Variants in WWOX observed in about 807,000 individuals in gnomAD.
WWOX encodes the protein WW domain-containing oxidoreductase.
A neutral mutation model predicts 46.2 loss-of-function variants in WWOX; 69 were observed. The observed-to-expected ratio is 1.49, with a 90% confidence interval of 1.23 to 1.82. WWOX has a LOEUF of 1.82. Among genes scored for constraint, WWOX ranks in the 40% most tolerant of loss-of-function variants. The probability of loss-of-function intolerance (pLI) is 0.00; values close to 1 mark genes in which losing one functional copy is unlikely to be tolerated. For synonymous variants in WWOX, 359 were observed against 202.6 expected (o/e 1.77, Z -6.56); for missense variants, 919 against 542.6 (o/e 1.69, Z -6.89).
chr16:78,452,999 A>G (rs957815389), intron 8 of WWOX, among the ~76,000 whole-genome samples: 6 of 150,816 alleles, frequency 4.0e-5, no homozygotes, highest in Admixed American at 2.0e-4. Flanking sequence ...CTCCTCTCTC[A>G]GCCTCCCGAG....
chr16:79,129,186 A>C (rs1297622014), intron 8 of WWOX, among the ~76,000 whole-genome samples: 1 of 151,928 alleles, frequency 6.6e-6, no homozygotes, highest in Non-Finnish European at 1.5e-5. Flanking sequence ...ATCAAGTATC[A>C]AGACAAGTCT....
At chr16:78,941,760 T>G (rs189497945) in intron 8 of WWOX, among the ~76,000 whole-genome samples, 1 of 152,186 alleles carries the variant, frequency 6.6e-6, no homozygotes. Context: ...AATGAAATTA[T>G]ATTTTTAAAA....
intron 8 of WWOX, among the ~76,000 whole-genome samples, chr16:78,608,753 G>A (rs2045826634): frequency 6.6e-6 from 1 of 152,162 alleles, no homozygotes; most frequent in Non-Finnish European, 1.5e-5. Context: ...GCGGACCCAG[G>A]ACAACTAAAG....
Position 78,905,343 on chromosome 16 carries a change from G to T in WWOX, c.1057-306265G>T, listed in dbSNP as rs139817966. Among the ~76,000 whole-genome samples, 7 of 152,276 alleles carry T rather than the reference G, an allele frequency of 4.6e-5. No individual in the cohort carries two copies. In the East Asian group the frequency reaches 1.3e-3, roughly 29 times the overall value. ...AAAATTCTGCTTTAAAGAAAGAAAT[G>T]TAAATCAAGTGACTGTTGATGGACG... On this transcript the variant is annotated intron_variant, in intron 8 of 8. Transcript: ENST00000566780.
chr16:78,860,668 G>A (rs771645856), intron 8 of WWOX, among the ~76,000 whole-genome samples: 1 of 152,200 alleles, frequency 6.6e-6, no homozygotes, highest in Non-Finnish European at 1.5e-5. Context: ...ATGATAATGC[G>A]TGAAAAAGAA....
chr16:78,338,061 T>C lies in WWOX; in HGVS notation c.517-48799T>C, dbSNP rs144257896. 6.4e-3 allele frequency among the ~76,000 whole-genome samples: 776 copies of C among 121,132 alleles called. 185 individuals are homozygous for C. The highest frequency in any genetic ancestry group is 0.042 in the Admixed American group (524 of 12,374). The allele number at this position is 121,132 out of a possible 152,430, so 79.5% of individuals were successfully genotyped here. A position where few individuals can be genotyped will look rare whatever the true frequency, so the allele number is the denominator to read the frequency against. ...TATATAAAATTATTTTTATCAAACA[T>C]GACAGATCAAAAGCCTTCTGGAAAG... On this transcript the variant is annotated intron_variant, in intron 5 of 8. Transcript: ENST00000566780.
chr16:78,580,850 C>G (rs1434096979), intron 8 of WWOX, among the ~76,000 whole-genome samples: 1 of 152,214 alleles, frequency 6.6e-6, no homozygotes, highest in African/African-American at 2.4e-5. Flanking sequence ...CCTCTTTCAC[C>G]TCAGACATGC....
At chr16:79,186,453 C>A (rs1441958624) in intron 8 of WWOX, among the ~76,000 whole-genome samples, 1 of 152,166 alleles carries the variant, frequency 6.6e-6, no homozygotes, top group Non-Finnish European at 1.5e-5. Context: ...CCTCCCACGG[C>A]CTTCTCCCTG....
chr16:78,152,902 A>AT (rs1171127475), intron 4 of WWOX, among the ~76,000 whole-genome samples: 2 of 57,976 alleles, frequency 3.4e-5, no homozygotes, highest in Non-Finnish European at 7.2e-5. Flanking sequence ...TTGAGTTGGT[A>AT]TGTTTTTTGA....
At chr16:79,028,821 A>C (rs2656647) in intron 8 of WWOX, among the ~76,000 whole-genome samples, 1 of 151,486 alleles carries the variant, frequency 6.6e-6, no homozygotes. Context: ...ATGGTTTTCC[A>C]ATCTTCAAAC....
intron 8 of WWOX, among the ~76,000 whole-genome samples, chr16:79,109,844 T>C (rs1024831169): frequency 6.6e-6 from 1 of 152,176 alleles, no homozygotes. Flanking sequence ...AGCAGAGGTT[T>C]CCCAAGCATG....
intron 8 of WWOX, among the ~76,000 whole-genome samples, chr16:79,167,945 T>C (rs149205274): frequency 2.0e-5 from 3 of 152,338 alleles, no homozygotes; most frequent in Non-Finnish European, 4.4e-5. Flanking sequence ...TGGATTTGCC[T>C]ATTCTGGGTA....
At chr16:78,801,346 C>T (rs1426398914) in intron 8 of WWOX, among the ~76,000 whole-genome samples, 1 of 152,086 alleles carries the variant, frequency 6.6e-6, no homozygotes, top group Non-Finnish European at 1.5e-5. Flanking sequence ...CCCATCTCTA[C>T]TAAAAATACA....
intron 8 of WWOX, among the ~76,000 whole-genome samples, chr16:78,601,813 G>C (rs1185169799): frequency 2.0e-5 from 3 of 152,150 alleles, no homozygotes; most frequent in African/African-American, 7.2e-5. Context: ...AGTAGGGAAA[G>C]GTGACATTCC....
At chr16:78,601,432 C>T (rs1419634842) in intron 8 of WWOX, among the ~76,000 whole-genome samples, 1 of 113,906 alleles carries the variant, frequency 8.8e-6, no homozygotes, top group African/African-American at 3.2e-5. Context: ...GGGAATTCCC[C>T]AGCAGAGAGA....
intron 8 of WWOX, among the ~76,000 whole-genome samples, chr16:79,002,617 A>AGGCT (rs1278279934): frequency 6.6e-6 from 1 of 152,188 alleles, no homozygotes; most frequent in Non-Finnish European, 1.5e-5. Context: ...TTGAGCTCTG[A>AGGCT]CTTTGCATGA....
intron 8 of WWOX, among the ~76,000 whole-genome samples, chr16:79,021,509 T>C (rs2047532623): frequency 6.6e-6 from 1 of 152,206 alleles, no homozygotes; most frequent in Non-Finnish European, 1.5e-5. Context: ...TAACAAATGT[T>C]CTTCCTTCTT....
intron 4 of WWOX, among the ~76,000 whole-genome samples, chr16:78,160,212 T>G (rs1380357631): frequency 2.0e-5 from 3 of 152,106 alleles, no homozygotes; most frequent in Non-Finnish European, 2.9e-5. Context: ...GAGCAAGATC[T>G]CACTCTGTCA....
At chr16:78,690,819 A>C (rs796731148) in intron 8 of WWOX, among the ~76,000 whole-genome samples, 1 of 152,166 alleles carries the variant, frequency 6.6e-6, no homozygotes, top group African/African-American at 2.4e-5. Context: ...GCATATGCGT[A>C]TGTTTCAAGA....
Sources: allele counts gnomAD v4.1 joint callset (sites outside exome capture counted in the v4.1 genomes callset), GRCh38; gene constraint gnomAD v4.1.1; transcripts MANE v1.5; gene names NCBI Gene and HGNC (gene_info 2026-07-23, HGNC 2026-07-21).